TRPC5: variants seen among roughly 807,000 people sequenced by gnomAD.
The protein encoded by TRPC5 is transient receptor potential cation channel subfamily C member 5, also known as short transient receptor potential channel 5.
A neutral mutation model predicts 56.5 loss-of-function variants in TRPC5; 9 were observed. That is an observed-to-expected ratio of 0.16 (90% CI 0.10 to 0.28). The LOEUF (loss-of-function observed/expected upper bound fraction) is 0.28, where lower values mean the gene tolerates loss of function less well. TRPC5 is among the 10% of genes least tolerant of loss of function. TRPC5 has a pLI of 1.00. For missense variants in TRPC5, 469 were observed against 748.9 expected (o/e 0.63, Z 4.36); for synonymous variants, 282 against 278.5 (o/e 1.01, Z -0.13).
At chrX:112,035,789 G>A (rs1356643661) in intron 1 of TRPC5, among the ~76,000 whole-genome samples, 2 of 108,279 alleles carry the variant, frequency 1.8e-5, no homozygotes, top group Non-Finnish European at 3.8e-5. Flanking sequence ...CTGCCACCAT[G>A]CCTGGCTAAT....
At chrX:111,999,773 C>T (rs1206450483) in intron 1 of TRPC5, among the ~76,000 whole-genome samples, 2 of 111,473 alleles carry the variant, frequency 1.8e-5, no homozygotes, top group Non-Finnish European at 3.8e-5. Flanking sequence ...CGAGACCAGC[C>T]TGGCCAACAT....
intron 7 of TRPC5, among the ~76,000 whole-genome samples, chrX:111,827,366 C>A (rs191488045): frequency 1.5e-4 from 17 of 111,123 alleles, no homozygotes; most frequent in African/African-American, 5.6e-4. Context: ...CAGCCTGGAC[C>A]TCTCCTCTAG....
At chrX:112,035,525 G>A (rs778110621) in intron 1 of TRPC5, among the ~76,000 whole-genome samples, 14 of 110,603 alleles carry the variant, frequency 1.3e-4, no homozygotes, top group Non-Finnish European at 2.5e-4. Flanking sequence ...CCCTATGTTT[G>A]AACATTGCAA....
At chrX:111,920,124 A>C (rs1379417666) in intron 2 of TRPC5, among the ~76,000 whole-genome samples, 1 of 110,819 alleles carries the variant, frequency 9.0e-6, no homozygotes, top group Non-Finnish European at 1.9e-5. Flanking sequence ...AAAATACAAA[A>C]ATTAGCTGGA....
intron 1 of TRPC5, among the ~76,000 whole-genome samples, chrX:112,072,716 G>A (rs1399919342): frequency 1.8e-5 from 2 of 112,091 alleles, no homozygotes; most frequent in South Asian, 3.8e-4. Context: ...AGATGAGACT[G>A]AGTTGGGACT....
At chrX:111,827,378 C>A (rs963812871) in intron 7 of TRPC5, among the ~76,000 whole-genome samples, 1 of 111,112 alleles carries the variant, frequency 9.0e-6, no homozygotes, top group Admixed American at 9.6e-5. Flanking sequence ...CTCCTCTAGA[C>A]CTGTAGACCA....
intron 1 of TRPC5, among the ~76,000 whole-genome samples, chrX:112,049,432 TACACACAC>T (rs762624712): frequency 9.6e-6 from 1 of 104,220 alleles, no homozygotes; most frequent in African/African-American, 3.5e-5. Flanking sequence ...CGCATATATA[TACACACAC>T]ACACACACAC....
chrX:112,013,299 C>T (rs1018864968), intron 1 of TRPC5, among the ~76,000 whole-genome samples: 3 of 111,546 alleles, frequency 2.7e-5, no homozygotes, highest in Admixed American at 1.9e-4. Flanking sequence ...TATAGGCGTG[C>T]GCCACCATGC....
intron 3 of TRPC5, among the ~76,000 whole-genome samples, chrX:111,910,528 C>T (rs897489753): frequency 9.0e-6 from 1 of 111,635 alleles, no homozygotes; most frequent in Non-Finnish European, 1.9e-5. Flanking sequence ...TAATTATAGC[C>T]GCTAATAGTA....
At chrX:111,814,608 C>T (rs186728969) in intron 7 of TRPC5, among the ~76,000 whole-genome samples, 49 of 110,427 alleles carry the variant, frequency 4.4e-4, no homozygotes, top group Non-Finnish European at 8.3e-4. Flanking sequence ...TTCCCAAACT[C>T]CAAGAGCCCC....
intron 1 of TRPC5, among the ~76,000 whole-genome samples, chrX:112,042,810 A>G (rs958203954): frequency 7.6e-5 from 8 of 105,151 alleles, no homozygotes; most frequent in Non-Finnish European, 2.0e-5. Context: ...TCTTAGCTAT[A>G]TTTTTTTTTT....
Position 111,776,208 on chromosome X carries a change from T to C in TRPC5, c.*105A>G, listed in dbSNP as rs1293403920. 7 of 800,066 alleles carry C rather than the reference T, an allele frequency of 8.7e-6. No individual in the cohort carries two copies. Among genetic ancestry groups the C allele is most frequent in the Non-Finnish European group, 1.2e-5 (7 of 574,960 alleles). 65.9% of individuals were successfully genotyped at this position (800,066 alleles called of 1,213,427 possible). A position where few individuals can be genotyped will look rare whatever the true frequency, so the allele number is the denominator to read the frequency against. On this transcript the variant is annotated 3_prime_UTR_variant, in exon 11 of 11. Coordinates refer to ENST00000262839, the MANE Select transcript of TRPC5 (RefSeq NM_012471.3). Reference sequence around the variant, plus strand: ...GTGCAAATAAGAGTTTCACTCTCCTTTCTGGGGGGCAGGGGCAGTGAGGGA... The same window carrying C: ...GTGCAAATAAGAGTTTCACTCTCCTCTCTGGGGGGCAGGGGCAGTGAGGGA...
chrX:111,972,225 G>A (rs1927804357), intron 1 of TRPC5, among the ~76,000 whole-genome samples: 1 of 111,548 alleles, frequency 9.0e-6, no homozygotes, highest in Non-Finnish European at 1.9e-5. Context: ...AAGTTGGACC[G>A]TGCTTACAAT....
At chrX:111,977,434 T>C (rs1927961268) in intron 1 of TRPC5, among the ~76,000 whole-genome samples, 3 of 111,793 alleles carry the variant, frequency 2.7e-5, no homozygotes, top group African/African-American at 6.5e-5. Context: ...AATGCAAAAA[T>C]TGAAATTAAA....
chrX:111,911,702 T>C (rs978804854), intron 3 of TRPC5, among the ~76,000 whole-genome samples: 1 of 112,375 alleles, frequency 8.9e-6, no homozygotes, highest in Admixed American at 9.4e-5. Context: ...TAGCAGATCC[T>C]GCTTCAGCCT....
intron 1 of TRPC5, among the ~76,000 whole-genome samples, chrX:112,022,286 A>AT: frequency 8.9e-6 from 1 of 112,610 alleles, no homozygotes; most frequent in Middle Eastern, 4.6e-3. Flanking sequence ...CCACTAAACC[A>AT]TTAAAGTACA....
At chrX:111,975,719 A>G (rs143431843) in intron 1 of TRPC5, among the ~76,000 whole-genome samples, 8,552 of 110,002 alleles carry the variant, frequency 0.078, 334 homozygotes, top group Non-Finnish European at 0.11. Context: ...ACACTGTGAA[A>G]CCCCATCTCC....
intron 3 of TRPC5, 63 bp downstream of exon 3, chrX:111,912,228 C>G: frequency 9.0e-7 from 1 of 1,112,301 alleles, no homozygotes; most frequent in Middle Eastern, 3.2e-4. Flanking sequence ...CTGATTCTTG[C>G]TCTGCTGCTC....
At position 111,774,088 on chromosome X, in the gene TRPC5, A is replaced by G. The variant is rs1271847523; in HGVS notation, c.*2225T>C. On this transcript the variant is annotated 3_prime_UTR_variant, in exon 11 of 11. Coordinates refer to ENST00000262839, the MANE Select transcript of TRPC5 (RefSeq NM_012471.3). ...GAAAAGGAATGTACTCCCGTGACAT[A>G]TGACACTGGTTCTTTCAATAGTAGA... 9.0e-6 allele frequency among the ~76,000 whole-genome samples: 1 copy of G among 111,688 alleles called. No homozygotes were observed. The highest frequency in any genetic ancestry group is 1.9e-5 in the Non-Finnish European group (1 of 53,089).
Sources: gnomAD v4.1 joint callset for allele counts (sites outside exome capture counted in the v4.1 genomes callset) on GRCh38, gnomAD v4.1.1 for gene constraint, MANE v1.5 for transcripts, NCBI Gene and HGNC (gene_info 2026-07-23, HGNC 2026-07-21) for gene names.